The following ARB2A variants were observed in gnomAD, a reference collection of about 807,000 sequenced individuals.
ARB2A encodes ARB2 cotranscriptional regulator A.
chr5:93,732,459 T>C, the ARB2A span, among the ~76,000 whole-genome samples: 2 of 152,154 alleles, frequency 1.3e-5, no homozygotes, highest in African/African-American at 4.8e-5. Flanking sequence ...ATGGGTTAAC[T>C]ACAGAGGTAT....
the ARB2A span, among the ~76,000 whole-genome samples, chr5:93,951,169 A>T: frequency 5.3e-5 from 8 of 152,076 alleles, no homozygotes; most frequent in South Asian, 2.1e-4. Flanking sequence ...ACATTTTTTA[A>T]TTGGATTATT....
the ARB2A span, among the ~76,000 whole-genome samples, chr5:93,985,405 T>G: frequency 6.6e-6 from 1 of 151,114 alleles, no homozygotes; most frequent in Non-Finnish European, 1.5e-5. Flanking sequence ...GGTCTCCCCC[T>G]CTCCCTCTTT....
At chr5:94,106,300 T>C in the ARB2A span, among the ~76,000 whole-genome samples, 1 of 151,044 alleles carries the variant, frequency 6.6e-6, no homozygotes, top group Non-Finnish European at 1.5e-5. Context: ...AAAAAACCCA[T>C]AAAAAATGGG....
At chr5:94,077,421 T>A in the ARB2A span, among the ~76,000 whole-genome samples, 9 of 151,996 alleles carry the variant, frequency 5.9e-5, no homozygotes, top group Non-Finnish European at 1.3e-4. Flanking sequence ...AACTTTACAG[T>A]AGCAGTTGCA....
the ARB2A span, among the ~76,000 whole-genome samples, chr5:93,945,476 T>C: frequency 2.0e-5 from 3 of 150,412 alleles, no homozygotes; most frequent in South Asian, 2.1e-4. Flanking sequence ...CATTAAAGCG[T>C]AGAAGAGAGA....
the ARB2A span, among the ~76,000 whole-genome samples, chr5:93,646,174 C>A: frequency 6.6e-6 from 1 of 151,902 alleles, no homozygotes; most frequent in East Asian, 1.9e-4. Flanking sequence ...AATAATCTTA[C>A]AAGGCAAATT....
chr5:93,691,129 AT>A, the ARB2A span, among the ~76,000 whole-genome samples: 1 of 152,102 alleles, frequency 6.6e-6, no homozygotes, highest in Admixed American at 6.6e-5. Context: ...CCTCCAAATG[AT>A]CACAACTCCT....
chr5:93,877,523 T>A, the ARB2A span, among the ~76,000 whole-genome samples: 2 of 152,148 alleles, frequency 1.3e-5, no homozygotes, highest in African/African-American at 4.8e-5. Context: ...CATATCTGCT[T>A]TTAAGGATTG....
chr5:93,742,753 A>T, the ARB2A span, among the ~76,000 whole-genome samples: 1 of 152,180 alleles, frequency 6.6e-6, no homozygotes, highest in Non-Finnish European at 1.5e-5. Context: ...GTATCTGGCT[A>T]TAGTGACAAC....
chr5:94,060,104 A>G, the ARB2A span, among the ~76,000 whole-genome samples: 1 of 152,200 alleles, frequency 6.6e-6, no homozygotes, highest in South Asian at 2.1e-4. Context: ...TCACGCCTGT[A>G]ATCCCAGCAC....
the ARB2A span, among the ~76,000 whole-genome samples, chr5:94,079,925 T>C: frequency 6.6e-6 from 1 of 152,196 alleles, no homozygotes; most frequent in Non-Finnish European, 1.5e-5. Flanking sequence ...AGGTATTGCA[T>C]TGCTTTTTGG....
the ARB2A span, among the ~76,000 whole-genome samples, chr5:93,704,149 A>G: frequency 6.6e-6 from 1 of 152,234 alleles, no homozygotes; most frequent in African/African-American, 2.4e-5. Context: ...AAAATATTAA[A>G]GATAATGATA....
the ARB2A span, among the ~76,000 whole-genome samples, chr5:93,992,345 T>A: frequency 6.6e-6 from 1 of 151,982 alleles, no homozygotes; most frequent in Non-Finnish European, 1.5e-5. Context: ...GTTATAAGGC[T>A]CTCACATTAT....
the ARB2A span, among the ~76,000 whole-genome samples, chr5:93,835,405 A>G: frequency 6.6e-6 from 1 of 152,260 alleles, no homozygotes; most frequent in Non-Finnish European, 1.5e-5. Flanking sequence ...CAAATTTGAC[A>G]GATTTTTCTT....
chr5:93,685,559 T>C, the ARB2A span, among the ~76,000 whole-genome samples: 1 of 152,202 alleles, frequency 6.6e-6, no homozygotes, highest in Non-Finnish European at 1.5e-5. Context: ...AAAAAAGAAC[T>C]GCAAGTTCTA....
At chr5:93,778,928 T>C in the ARB2A span, among the ~76,000 whole-genome samples, 1 of 152,218 alleles carries the variant, frequency 6.6e-6, no homozygotes, top group African/African-American at 2.4e-5. Context: ...TTTATGTTTG[T>C]AAAATTTCAG....
the ARB2A span, among the ~76,000 whole-genome samples, chr5:93,627,289 T>C: frequency 6.6e-6 from 1 of 152,180 alleles, no homozygotes; most frequent in Non-Finnish European, 1.5e-5. Context: ...CTCTTGTTCT[T>C]ATTGATATTC....
chr5:93,796,794 A>C, the ARB2A span, among the ~76,000 whole-genome samples: 1 of 152,202 alleles, frequency 6.6e-6, no homozygotes, highest in Non-Finnish European at 1.5e-5. Flanking sequence ...TTTTCTTATG[A>C]AGGCACATCT....
chr5:93,956,928 G>A, the ARB2A span, among the ~76,000 whole-genome samples: 1 of 152,004 alleles, frequency 6.6e-6, no homozygotes, highest in African/African-American at 2.4e-5. Flanking sequence ...ATTTTTTTAA[G>A]AAATAAGGAG....
Sources: allele counts gnomAD v4.1 joint callset (sites outside exome capture counted in the v4.1 genomes callset), GRCh38; gene constraint gnomAD v4.1.1; transcripts MANE v1.5; gene names NCBI Gene and HGNC (gene_info 2026-07-23, HGNC 2026-07-21).